The following GRID2 variants were observed in gnomAD, a reference collection of about 807,000 sequenced individuals.
The protein encoded by GRID2 is glutamate receptor ionotropic, delta-2.
GRID2 carries 33 observed loss-of-function variants against 114.8 expected under a neutral mutation model. The ratio of observed to expected loss-of-function variants is 0.29; its 90% CI spans 0.22 to 0.38. GRID2 has a LOEUF of 0.38. Among genes scored for constraint, GRID2 ranks in the 10% least tolerant of loss-of-function variants. The pLI is 1.00. For synonymous variants in GRID2, 505 were observed against 449.9 expected, an observed-to-expected ratio of 1.12 and a Z score of -1.55; for missense variants, 1,184 against 1,257.7, an observed-to-expected ratio of 0.94 and a Z score of 0.89.
At chr4:92,543,745 G>A (rs1726097980) in intron 1 of GRID2, among the ~76,000 whole-genome samples, 1 of 152,110 alleles carries the variant, frequency 6.6e-6, no homozygotes, top group East Asian at 1.9e-4. Flanking sequence ...ATTTTATGTT[G>A]GTACATGAGA....
chr4:92,800,246 G>A (rs1740087877), intron 2 of GRID2, among the ~76,000 whole-genome samples: 1 of 151,550 alleles, frequency 6.6e-6, no homozygotes, highest in South Asian at 2.1e-4. Context: ...CTGGGAAGAT[G>A]GCATAGCAAA....
At chr4:92,872,176 T>C (rs996974135) in intron 2 of GRID2, among the ~76,000 whole-genome samples, 1 of 152,214 alleles carries the variant, frequency 6.6e-6, no homozygotes, top group Non-Finnish European at 1.5e-5. Flanking sequence ...ATGTTAACAA[T>C]TTATTAGGAT....
intron 1 of GRID2, among the ~76,000 whole-genome samples, chr4:92,516,796 T>C (rs1393578392): frequency 2.0e-5 from 3 of 151,916 alleles, no homozygotes; most frequent in Non-Finnish European, 4.4e-5. Flanking sequence ...TCCCACTGGC[T>C]CTCGACACTC....
At chr4:93,540,537 A>AC (rs960593959) in intron 13 of GRID2, among the ~76,000 whole-genome samples, 9 of 152,158 alleles carry the variant, frequency 5.9e-5, no homozygotes, top group Admixed American at 1.3e-4. Flanking sequence ...GTTGTGAAAG[A>AC]CCTAAGGCAG....
intron 1 of GRID2, among the ~76,000 whole-genome samples, chr4:92,362,874 T>C (rs191844070): frequency 5.6e-4 from 85 of 152,142 alleles, no homozygotes; most frequent in African/African-American, 1.9e-3. Context: ...ATCACAGCCC[T>C]GTGTAGTAGA....
intron 2 of GRID2, among the ~76,000 whole-genome samples, chr4:92,904,200 T>C (rs1747783118): frequency 6.6e-6 from 1 of 151,512 alleles, no homozygotes; most frequent in Non-Finnish European, 1.5e-5. Context: ...TGGCCTTTTT[T>C]CAAAATTTTT....
intron 2 of GRID2, among the ~76,000 whole-genome samples, chr4:92,732,727 A>G (rs758330359): frequency 5.3e-5 from 8 of 152,100 alleles, no homozygotes; most frequent in Admixed American, 1.3e-4. Flanking sequence ...CTATCTGTCT[A>G]TCTTTCTATC....
At chr4:92,623,395 A>G (rs762597289) in intron 2 of GRID2, among the ~76,000 whole-genome samples, 4 of 151,688 alleles carry the variant, frequency 2.6e-5, no homozygotes, top group Non-Finnish European at 5.9e-5. Context: ...CATCAAAAAA[A>G]TCACTCTCTG....
At chr4:93,355,648 A>G (rs1229909636) in intron 8 of GRID2, among the ~76,000 whole-genome samples, 1 of 152,104 alleles carries the variant, frequency 6.6e-6, no homozygotes, top group Non-Finnish European at 1.5e-5. Flanking sequence ...CTTTATCAGG[A>G]GAAGTAAAAG....
rs937074829 is a variant in GRID2 at position 93,613,255 on chromosome 4, G to C, written c.2194-13014G>C. ...TTTTCAACTTCTTTGCCTTTGGTTT[G>C]AATGTCCTCCCGTAGCTCAGAGTAA... is the stretch of plus-strand genomic sequence containing the variant. On this transcript the variant is annotated intron_variant, in intron 13 of 15. Transcript: ENST00000282020. Among the ~76,000 whole-genome samples, 26 of 140,734 alleles carry C rather than the reference G, an allele frequency of 1.8e-4. No homozygotes were observed. The East Asian group carries it at 5.4e-3, about 29-fold the overall frequency. 92.3% of individuals were successfully genotyped at this position (140,734 alleles called of 152,430 possible). A position where few individuals can be genotyped will look rare whatever the true frequency, so the allele number is the denominator to read the frequency against.
At chr4:92,454,412 A>G (rs1364593295) in intron 1 of GRID2, among the ~76,000 whole-genome samples, 1 of 152,232 alleles carries the variant, frequency 6.6e-6, no homozygotes, top group African/African-American at 2.4e-5. Flanking sequence ...GTGATTCTCC[A>G]TATAAATACA....
intron 2 of GRID2, among the ~76,000 whole-genome samples, chr4:92,938,991 T>A (rs1241888459): frequency 1.4e-5 from 2 of 146,788 alleles, no homozygotes; most frequent in Middle Eastern, 6.6e-3. Context: ...GGGTTCCAAG[T>A]CTTTGCTATT....
intron 1 of GRID2, among the ~76,000 whole-genome samples, chr4:92,316,859 C>G (rs1344955362): frequency 1.3e-5 from 2 of 152,134 alleles, no homozygotes; most frequent in Admixed American, 1.3e-4. Flanking sequence ...CATTTCTCAG[C>G]TTTCTGATGG....
rs185477972 is a variant in GRID2, at chr4:93,257,327, C to A, written c.1245+18837C>A. 1.2e-3 allele frequency among the ~76,000 whole-genome samples: 178 copies of A among 151,632 alleles called. 3 individuals are homozygous for A. The highest frequency in any genetic ancestry group is 4.2e-3 in the African/African-American group (176 of 41,466). On this transcript the variant is annotated intron_variant, in intron 8 of 15. Transcript: ENST00000282020. ...CATTGAGGTAGATGAATGATGTAGC[C>A]CTGTTACATTGTAAAGAGTGATGCA...
chr4:93,638,327 C>T (rs1397028093), intron 14 of GRID2, among the ~76,000 whole-genome samples: 12 of 44,128 alleles, frequency 2.7e-4, no homozygotes, highest in South Asian at 4.9e-4. Context: ...TTTAATTATA[C>T]TCTAAGTTTT....
At chr4:92,954,022 T>A (rs906928385) in intron 2 of GRID2, among the ~76,000 whole-genome samples, 5 of 152,166 alleles carry the variant, frequency 3.3e-5, no homozygotes, top group Non-Finnish European at 7.3e-5. Flanking sequence ...TTATATGATA[T>A]TTTAACAGTT....
chr4:93,130,735 T>G (rs997813311), intron 4 of GRID2, among the ~76,000 whole-genome samples: 2 of 152,154 alleles, frequency 1.3e-5, no homozygotes, highest in African/African-American at 4.8e-5. Flanking sequence ...TTTTTTCAAG[T>G]CCAAATCCCA....
At chr4:93,457,104 C>T (rs987037997) in intron 11 of GRID2, among the ~76,000 whole-genome samples, 3 of 152,060 alleles carry the variant, frequency 2.0e-5, no homozygotes, top group Non-Finnish European at 4.4e-5. Context: ...GCCATCATTG[C>T]GCCACAACAG....
At chr4:93,440,091 T>C (rs1450169826) in intron 10 of GRID2, among the ~76,000 whole-genome samples, 1 of 151,918 alleles carries the variant, frequency 6.6e-6, no homozygotes, top group Non-Finnish European at 1.5e-5. Flanking sequence ...GAAGGTCCTG[T>C]TATGAGGAGC....
Sources: allele counts gnomAD v4.1 joint callset (sites outside exome capture counted in the v4.1 genomes callset), GRCh38; gene constraint gnomAD v4.1.1; transcripts MANE v1.5; gene names NCBI Gene and HGNC (gene_info 2026-07-23, HGNC 2026-07-21).